Variants in FBLN7 observed in about 807,000 individuals in gnomAD.
The protein encoded by FBLN7 is fibulin 7.
Under a neutral mutation model 44.0 loss-of-function variants are expected in FBLN7, and 31 were observed. That is an observed-to-expected ratio of 0.70 (90% CI 0.53 to 0.95). The LOEUF (loss-of-function observed/expected upper bound fraction) is 0.95. FBLN7 is among the 40% of genes least tolerant of loss of function. The probability of loss-of-function intolerance (pLI) is 0.00; values close to 1 mark genes in which losing one functional copy is unlikely to be tolerated. For missense variants in FBLN7, 573 were observed against 618.5 expected, an observed-to-expected ratio of 0.93 and a Z score of 0.78; for synonymous variants, 262 against 253.4, an observed-to-expected ratio of 1.03 and a Z score of -0.32.
the FBLN7 span, chr2:112,212,829 C>G: frequency 1.3e-5 from 2 of 152,116 alleles, no homozygotes; most frequent in African/African-American, 4.8e-5. Flanking sequence ...GGTGCTCAAC[C>G]TGAGATATTC....
chr2:112,168,476 G>A (rs1328356864), intron 3 of FBLN7, among the ~76,000 whole-genome samples: 2 of 152,162 alleles, frequency 1.3e-5, no homozygotes, highest in African/African-American at 4.8e-5. Context: ...TGCTGGCCAC[G>A]GCCCCTCCTA....
Position 112,182,928 on chromosome 2 carries a change from GGTGA to G in FBLN7, c.808+6_808+9del, listed in dbSNP as rs1683077761. ...TCTGGCTGACGGGAAGAGCTGTGAG[GGTGA>G]GTGAGGCTACAGAGTGTCGTCTGCA... On this transcript the variant is annotated splice_donor_variant and splice_donor_region_variant and intron_variant, in intron 6 of 7. Coordinates refer to ENST00000331203, the MANE Select transcript of FBLN7 (RefSeq NM_153214.3). LOFTEE classifies it high-confidence loss of function. 1.2e-6 allele frequency: 2 copies of G among 1,612,098 alleles called. No homozygotes were observed. The highest frequency in any genetic ancestry group is 1.7e-6 in the Non-Finnish European group (2 of 1,179,736).
chr2:112,205,792 G>A, the FBLN7 span, among the ~76,000 whole-genome samples: 2 of 151,986 alleles, frequency 1.3e-5, no homozygotes, highest in African/African-American at 2.4e-5. Flanking sequence ...AAAATGTTTG[G>A]ACTATTCTAG....
At chr2:112,160,727 C>T (rs1208225660) in intron 2 of FBLN7, among the ~76,000 whole-genome samples, 2 of 125,528 alleles carry the variant, frequency 1.6e-5, no homozygotes, top group Admixed American at 1.5e-4. Context: ...CACGCGCACA[C>T]GCACGCACAC....
chr2:112,167,166 T>G (rs1219631723), intron 3 of FBLN7, among the ~76,000 whole-genome samples: 1 of 152,236 alleles, frequency 6.6e-6, no homozygotes, highest in African/African-American at 2.4e-5. Context: ...TATCCAAATA[T>G]TCTGTCCTCA....
At chr2:112,234,339 G>A in the FBLN7 span, 3 of 867,366 alleles carry the variant, frequency 3.5e-6, no homozygotes, top group Admixed American at 3.1e-5. Context: ...CCTTAAAGGT[G>A]ACTCTTCTAA....
chr2:112,186,985 A>G (rs2104613483), intron 7 of FBLN7, 149 bp from the exon 8 acceptor site: 2 of 940,522 alleles, frequency 2.1e-6, no homozygotes, highest in Non-Finnish European at 3.1e-6. Flanking sequence ...TCACTCGTCC[A>G]CAGCTCCATA....
chr2:112,176,670 A>G (rs1026717781), intron 4 of FBLN7: 3 of 152,210 alleles, frequency 2.0e-5, no homozygotes, highest in Non-Finnish European at 4.4e-5. Flanking sequence ...GCCCTGATTC[A>G]GTTCAGCTGA....
the FBLN7 span, among the ~76,000 whole-genome samples, chr2:112,239,579 C>CTTTTTTTTTT: frequency 8.1e-5 from 7 of 86,482 alleles, no homozygotes; most frequent in Non-Finnish European, 1.1e-4. Context: ...TAACAGTTTA[C>CTTTTTTTTTT]TTTTTTTTTT....
the FBLN7 span, among the ~76,000 whole-genome samples, chr2:112,238,877 G>C: frequency 6.6e-6 from 1 of 152,152 alleles, no homozygotes. Flanking sequence ...CAGTATTACA[G>C]TTCACACATT....
chr2:112,152,824 A>T (rs1215848354), intron 1 of FBLN7: 2 of 152,162 alleles, frequency 1.3e-5, no homozygotes, highest in Non-Finnish European at 2.9e-5. Flanking sequence ...ACAGTTCCTT[A>T]AAATTCCTTA....
intron 6 of FBLN7, among the ~76,000 whole-genome samples, chr2:112,183,673 T>C (rs1406014189): frequency 6.6e-6 from 1 of 152,040 alleles, no homozygotes; most frequent in African/African-American, 2.4e-5. Context: ...GCGGCGCAGA[T>C]GGAAAATAAC....
chr2:112,220,127 GGAGT>G, the FBLN7 span, among the ~76,000 whole-genome samples: 1 of 152,174 alleles, frequency 6.6e-6, no homozygotes, highest in Non-Finnish European at 1.5e-5. Context: ...CCTTTTAACT[GGAGT>G]GTGTAGCCTA....
At chr2:112,223,510 C>A in the FBLN7 span, among the ~76,000 whole-genome samples, 1 of 152,028 alleles carries the variant, frequency 6.6e-6, no homozygotes. Flanking sequence ...CATGATAATT[C>A]TTGTATAACC....
chr2:112,146,819 T>G (rs1034757938), intron 1 of FBLN7, among the ~76,000 whole-genome samples: 7 of 152,248 alleles, frequency 4.6e-5, no homozygotes, highest in Non-Finnish European at 1.0e-4. Flanking sequence ...CCTTATTACA[T>G]GGACTAAAAT....
Position 112,141,703 on chromosome 2 carries a change from A to G in FBLN7, c.75+2973A>G, listed in dbSNP as rs568935760. On this transcript the variant is annotated intron_variant, in intron 1 of 7. Coordinates refer to ENST00000331203, the MANE Select transcript of FBLN7 (RefSeq NM_153214.3). The stretch of plus-strand genomic sequence containing the variant: ...CATCCCTAAGGCGGCTCCCCAGCCT[A>G]GGCTCCAAGGAGGCAGCGTGGACAG... 2.0e-5 allele frequency among the ~76,000 whole-genome samples: 3 copies of G among 152,358 alleles called. No homozygotes were observed. In the South Asian group the frequency reaches 6.2e-4, roughly 32 times the overall value.
chr2:112,183,039 C>T lies in FBLN7; in HGVS notation c.808+111C>T, dbSNP rs2104605942. ...GTTAGGAGAGTCACAGTTTCAGATA[C>T]ATTGGATTTTTAAAAAGCCACCAAC... On this transcript the variant is annotated intron_variant, in intron 6 of 7. Transcript: ENST00000331203. 4 of 1,421,146 alleles carry T rather than the reference C, an allele frequency of 2.8e-6. No individual in the cohort carries two copies. The East Asian group carries it at 1.0e-4, about 37-fold the overall frequency. 88.0% of individuals were successfully genotyped at this position (1,421,146 alleles called of 1,614,324 possible). A position where few individuals can be genotyped will look rare whatever the true frequency, so the allele number is the denominator to read the frequency against.
At chr2:112,154,279 G>A (rs749147505) in intron 1 of FBLN7, among the ~76,000 whole-genome samples, 33 of 152,198 alleles carry the variant, frequency 2.2e-4, no homozygotes, top group Admixed American at 5.2e-4. Flanking sequence ...GTTGGGCCAC[G>A]ACTGGTTTTG....
At chr2:112,185,852 T>C (rs1683243546) in intron 7 of FBLN7, among the ~76,000 whole-genome samples, 1 of 152,026 alleles carries the variant, frequency 6.6e-6, no homozygotes, top group East Asian at 1.9e-4. Flanking sequence ...CTGCAACTCT[T>C]AAACAGCAAG....
Sources: gnomAD v4.1 joint callset for allele counts (sites outside exome capture counted in the v4.1 genomes callset) on GRCh38, gnomAD v4.1.1 for gene constraint, MANE v1.5 for transcripts, NCBI Gene and HGNC (gene_info 2026-07-23, HGNC 2026-07-21) for gene names.